FBXL17: variants seen among roughly 807,000 people sequenced by gnomAD.
The protein encoded by FBXL17 is F-box/LRR-repeat protein 17.
In FBXL17, 22 loss-of-function variants were observed where a neutral mutation model predicts 66.2. The observed-to-expected ratio is 0.33, with a 90% CI of 0.24 to 0.47. The LOEUF (loss-of-function observed/expected upper bound fraction) is 0.47. Among genes scored for constraint, FBXL17 ranks in the 20% least tolerant of loss-of-function variants. FBXL17 has a pLI of 1.00. For synonymous variants in FBXL17, 474 were observed against 400.5 expected (o/e 1.18, Z -2.19); for missense variants, 878 against 948.2 (o/e 0.93, Z 0.97).
intron 5 of FBXL17, among the ~76,000 whole-genome samples, chr5:108,198,816 G>T (rs1753779024): frequency 6.6e-6 from 1 of 152,114 alleles, no homozygotes; most frequent in Non-Finnish European, 1.5e-5. Context: ...TAAAATTCTA[G>T]GTTAATGACT....
At position 107,860,172 on chromosome 5, in the gene FBXL17, G is replaced by A. The variant is rs974337836; in HGVS notation, c.*1548C>T. On this transcript the variant is annotated 3_prime_UTR_variant, in exon 9 of 9. Transcript: ENST00000542267. ...AGAAATCAGTAAATGGCATTCAAAT[G>A]TAAAGCTATCTTGTTTCTTACAGCT... is the stretch of plus-strand genomic sequence containing the variant. 2.6e-5 allele frequency: 4 copies of A among 152,506 alleles called. No individual in the cohort carries two copies. The highest frequency in any genetic ancestry group is 9.6e-5 in the African/African-American group (4 of 41,466). 9.4% of individuals were successfully genotyped at this position (152,506 alleles called of 1,614,324 possible).
intron 6 of FBXL17, among the ~76,000 whole-genome samples, chr5:108,118,058 T>C (rs1341630118): frequency 6.6e-6 from 1 of 152,198 alleles, no homozygotes; most frequent in Non-Finnish European, 1.5e-5. Context: ...GCTAACTTAA[T>C]GATATGGTAT....
At chr5:108,278,697 C>A (rs1289386381) in intron 4 of FBXL17, among the ~76,000 whole-genome samples, 2 of 152,214 alleles carry the variant, frequency 1.3e-5, no homozygotes, top group Non-Finnish European at 2.9e-5. Flanking sequence ...AAGTGGGACT[C>A]AAGGCCTTGG....
intron 6 of FBXL17, among the ~76,000 whole-genome samples, chr5:108,090,525 T>C (rs1176190653): frequency 6.6e-6 from 1 of 152,166 alleles, no homozygotes; most frequent in Non-Finnish European, 1.5e-5. Flanking sequence ...TTGCAGGCTA[T>C]ATGGTCTCTA....
intron 6 of FBXL17, among the ~76,000 whole-genome samples, chr5:108,185,678 C>T (rs995099104): frequency 6.6e-6 from 1 of 151,938 alleles, no homozygotes; most frequent in Non-Finnish European, 1.5e-5. Flanking sequence ...CACTGTGAGA[C>T]TCCATCTCTG....
At chr5:107,994,228 T>C (rs1753376272) in intron 7 of FBXL17, among the ~76,000 whole-genome samples, 2 of 152,176 alleles carry the variant, frequency 1.3e-5, no homozygotes, top group South Asian at 4.1e-4. Context: ...AATATTGATT[T>C]TAAAAATAAA....
At chr5:107,976,360 G>A (rs1023865269) in intron 7 of FBXL17, among the ~76,000 whole-genome samples, 2 of 152,158 alleles carry the variant, frequency 1.3e-5, no homozygotes, top group African/African-American at 2.4e-5. Flanking sequence ...ATTATTTGAA[G>A]CTAATAGATA....
At chr5:107,991,158 G>A (rs1172846876) in intron 7 of FBXL17, among the ~76,000 whole-genome samples, 2 of 152,130 alleles carry the variant, frequency 1.3e-5, no homozygotes, top group East Asian at 3.9e-4. Flanking sequence ...TAAAGGATAT[G>A]GGCAGTCTTA....
At chr5:108,242,077 G>A (rs2150101789) in intron 4 of FBXL17, among the ~76,000 whole-genome samples, 1 of 152,128 alleles carries the variant, frequency 6.6e-6, no homozygotes, top group South Asian at 2.1e-4. Flanking sequence ...ATCATCTGAA[G>A]GTACAAAACT....
intron 4 of FBXL17, among the ~76,000 whole-genome samples, chr5:108,226,803 CAGG>C (rs1432635314): frequency 6.6e-6 from 1 of 152,036 alleles, no homozygotes; most frequent in Non-Finnish European, 1.5e-5. Flanking sequence ...ATCTTCCAAG[CAGG>C]AGATCAGTCT....
intron 4 of FBXL17, among the ~76,000 whole-genome samples, chr5:108,306,176 T>C (rs1050041702): frequency 1.3e-5 from 2 of 152,128 alleles, no homozygotes; most frequent in Admixed American, 6.6e-5. Flanking sequence ...AACATATGTG[T>C]ACTTACTGAT....
intron 4 of FBXL17, among the ~76,000 whole-genome samples, chr5:108,301,396 A>G (rs531457682): frequency 6.6e-6 from 1 of 151,780 alleles, no homozygotes; most frequent in Non-Finnish European, 1.5e-5. Flanking sequence ...TTAGGTCAGT[A>G]ATTTTACTAA....
chr5:108,298,128 A>G (rs1325953390), intron 4 of FBXL17: 4 of 965,496 alleles, frequency 4.1e-6, no homozygotes, highest in Admixed American at 6.2e-5. Flanking sequence ...TTATATAACT[A>G]ATTTGTTTTT....
At chr5:108,366,185 C>A (rs1194232289) in intron 2 of FBXL17, among the ~76,000 whole-genome samples, 1 of 152,020 alleles carries the variant, frequency 6.6e-6, no homozygotes, top group Non-Finnish European at 1.5e-5. Context: ...ATAGGAACGT[C>A]CACATCAAAA....
chr5:108,381,752 C>G lies in FBXL17; in HGVS notation c.-61G>C, dbSNP rs573512020. On this transcript the variant is annotated 5_prime_UTR_variant, in exon 1 of 9. Coordinates refer to ENST00000542267, the MANE Select transcript of FBXL17 (RefSeq NM_001163315.3). ...GGAGGGAGACCCAGAGAGGCGGGCT[C>G]CCGGCAGCGGGGCAGGCCGCTCGCT... 2.7e-3 allele frequency: 3,703 copies of G among 1,377,096 alleles called. 68 individuals are homozygous for G. The African/African-American group carries it at 0.041, about 15-fold the overall frequency. 85.3% of individuals were successfully genotyped at this position (1,377,096 alleles called of 1,614,324 possible). A position where few individuals can be genotyped will look rare whatever the true frequency, so the allele number is the denominator to read the frequency against.
chr5:107,894,989 C>T (rs2112523051), intron 7 of FBXL17, among the ~76,000 whole-genome samples: 1 of 152,140 alleles, frequency 6.6e-6, no homozygotes, highest in African/African-American at 2.4e-5. Context: ...AGAAAACTGG[C>T]AGGCACTTCT....
chr5:108,005,780 C>T (rs188625212), intron 7 of FBXL17, among the ~76,000 whole-genome samples: 2 of 152,312 alleles, frequency 1.3e-5, no homozygotes, highest in Admixed American at 6.5e-5. Context: ...GGACTTATAA[C>T]GTGTGGCAAT....
At chr5:108,058,045 A>T (rs1747778102) in intron 6 of FBXL17, among the ~76,000 whole-genome samples, 1 of 152,230 alleles carries the variant, frequency 6.6e-6, no homozygotes, top group African/African-American at 2.4e-5. Context: ...TAAAGGAATG[A>T]GACTAAGTTA....
intron 7 of FBXL17, among the ~76,000 whole-genome samples, chr5:107,996,904 G>A (rs1413083603): frequency 2.0e-5 from 3 of 152,288 alleles, no homozygotes; most frequent in South Asian, 2.1e-4. Flanking sequence ...ACCTCTCCTG[G>A]AAAAATGGGT....
Sources: gnomAD v4.1 joint callset for allele counts (sites outside exome capture counted in the v4.1 genomes callset) on GRCh38, gnomAD v4.1.1 for gene constraint, MANE v1.5 for transcripts, NCBI Gene and HGNC (gene_info 2026-07-23, HGNC 2026-07-21) for gene names.